LAMC2: variants seen among roughly 807,000 people sequenced by gnomAD.
LAMC2 encodes laminin subunit gamma 2.
LAMC2 carries 97 observed loss-of-function variants against 140.2 expected under a neutral mutation model. That is an observed-to-expected ratio of 0.69 (90% confidence interval 0.59 to 0.82). The LOEUF (loss-of-function observed/expected upper bound fraction) is 0.82, where lower values mean the gene tolerates loss of function less well. Ranked by LOEUF, LAMC2 falls within the 40% of genes least tolerant of loss-of-function variation. The pLI, the probability that LAMC2 is intolerant of heterozygous loss-of-function variation, is 0.00. For missense variants in LAMC2, 1,402 were observed against 1,476.1 expected (o/e 0.95, Z 0.82); for synonymous variants, 513 against 540.2 (o/e 0.95, Z 0.70).
chr1:183,223,292 G>C lies in LAMC2; in HGVS notation c.921G>C (p.Leu307=). The part of the protein sequence containing the change: ...TAPLMPLGKT[L]PCGLTKTYTF... ...CCTTGATGCCACTTGGCAAGACACT[G>C]CCTTGTGGGCTCACCAAGACTTACA... Residue 307 remains leucine (L), a synonymous_variant, in exon 7 of 23, where the codon CTG becomes CTC. Coordinates refer to ENST00000264144, the MANE Select transcript of LAMC2 (RefSeq NM_005562.3). 1.2e-6 allele frequency: 2 copies of C among 1,614,198 alleles called. No individual in the cohort carries two copies. The highest frequency in any genetic ancestry group is 1.7e-6 in the Non-Finnish European group (2 of 1,180,042).
chr1:183,237,696 T>C (rs1439451455), intron 18 of LAMC2, among the ~76,000 whole-genome samples, 192 bp downstream of exon 18: 5 of 152,052 alleles, frequency 3.3e-5, no homozygotes, highest in African/African-American at 1.2e-4. Flanking sequence ...GTAGGCAACG[T>C]AGTGAGGCCC....
downstream of LAMC2, among the ~76,000 whole-genome samples, chr1:183,247,291 G>A (rs1414682142): frequency 6.6e-6 from 1 of 152,052 alleles, no homozygotes. Flanking sequence ...CAGTGTGGGC[G>A]ACAAGAGCGA....
the LAMC2 span, chr1:183,252,777 C>A: frequency 6.6e-7 from 1 of 1,520,464 alleles, no homozygotes; most frequent in South Asian, 1.1e-5. Flanking sequence ...AGATGGACAT[C>A]CACACCCAAA....
At chr1:183,252,854 A>T in the LAMC2 span, 1 of 763,162 alleles carries the variant, frequency 1.3e-6, no homozygotes, top group African/African-American at 1.7e-5. Flanking sequence ...TCTCAGGTTG[A>T]GTAAATAGTT....
intron 20 of LAMC2, 48 bp from the exon 21 acceptor site, chr1:183,239,992 C>T: frequency 1.2e-6 from 2 of 1,607,642 alleles, no homozygotes; most frequent in Middle Eastern, 1.7e-4. Flanking sequence ...TGTTTTTGTG[C>T]CTCACCCCTA....
At chr1:183,209,759 G>GT (rs1490923008) in intron 2 of LAMC2, among the ~76,000 whole-genome samples, 1 of 152,164 alleles carries the variant, frequency 6.6e-6, no homozygotes, top group Admixed American at 6.5e-5. Context: ...TGAAGACAAG[G>GT]TTATTAGTCT....
chr1:183,195,061 T>C (rs1047533625), intron 1 of LAMC2, among the ~76,000 whole-genome samples: 2 of 152,184 alleles, frequency 1.3e-5, no homozygotes, highest in African/African-American at 2.4e-5. Flanking sequence ...ACCTGTGAGC[T>C]TACTCAGACT....
chr1:183,240,620 G>C (rs922448414), intron 22 of LAMC2: 1 of 1,418,384 alleles, frequency 7.1e-7, no homozygotes, highest in African/African-American at 1.4e-5. Context: ...GCACTTGGGG[G>C]TAAAGGTCTG....
intron 1 of LAMC2, among the ~76,000 whole-genome samples, chr1:183,192,803 C>T (rs1353696217): frequency 6.6e-6 from 1 of 152,226 alleles, no homozygotes; most frequent in Non-Finnish European, 1.5e-5. Context: ...CTCCCAGCTT[C>T]AAGCAATTCT....
At chr1:183,229,811 A>C (rs1659748196) in intron 11 of LAMC2, among the ~76,000 whole-genome samples, 1 of 152,042 alleles carries the variant, frequency 6.6e-6, no homozygotes, top group African/African-American at 2.4e-5. Context: ...TTAGTGGTAC[A>C]AATCCCTTCA....
At chr1:183,223,078 G>A (rs1558090926) in intron 6 of LAMC2, 57 bp from the exon 7 acceptor site, 2 of 1,528,852 alleles carry the variant, frequency 1.3e-6, no homozygotes, top group Admixed American at 3.4e-5. Flanking sequence ...AAACTTGCAT[G>A]TGTTTGCCTC....
chr1:183,235,652 T>C lies in LAMC2; in HGVS notation c.2378T>C (p.Val793Ala). The C allele has an allele frequency of 1.2e-6, 2 of 1,614,214 alleles. No homozygotes were observed. Among genetic ancestry groups the C allele is most frequent in the Non-Finnish European group, 1.7e-6 (2 of 1,180,040 alleles). ...TATTCCAAACAAGCCCTCTCACTGG[T>C]GCGCAAGGCCCTGCATGAAGGAGTC... ...EDYSKQALSL[V>A]RKALHEGVGS... is the part of the protein sequence containing the mutation. Residue 793 changes from valine to alanine, a missense_variant, in exon 16 of 23, where the codon GTG becomes GCG. Coordinates refer to ENST00000264144, the MANE Select transcript of LAMC2 (RefSeq NM_005562.3).
At chr1:183,236,279 C>T (rs1400815733) in intron 16 of LAMC2, among the ~76,000 whole-genome samples, 181 bp from the exon 17 acceptor site, 9 of 150,998 alleles carry the variant, frequency 6.0e-5, no homozygotes, top group Non-Finnish European at 1.2e-4. Flanking sequence ...GTCCCAGCTA[C>T]TTGGGAGGCT....
intron 1 of LAMC2, among the ~76,000 whole-genome samples, chr1:183,191,789 G>A (rs1658343619): frequency 6.6e-6 from 1 of 151,852 alleles, no homozygotes; most frequent in African/African-American, 2.4e-5. Flanking sequence ...AACCCGGGAG[G>A]CAGAGATTGC....
At chr1:183,197,064 T>C (rs1028916230) in intron 1 of LAMC2, among the ~76,000 whole-genome samples, 1 of 152,214 alleles carries the variant, frequency 6.6e-6, no homozygotes, top group Non-Finnish European at 1.5e-5. Flanking sequence ...GAAGCCATGA[T>C]ACAATTTGTA....
At chr1:183,240,986 G>C (rs867171580) in intron 22 of LAMC2, 1 of 156,744 alleles carries the variant, frequency 6.4e-6, no homozygotes. Flanking sequence ...GGTGGCTCAC[G>C]CCTGTAATTC....
At chr1:183,189,670 C>T (rs548854507) in intron 1 of LAMC2, among the ~76,000 whole-genome samples, 2 of 152,056 alleles carry the variant, frequency 1.3e-5, no homozygotes, top group Non-Finnish European at 2.9e-5. Flanking sequence ...GATAGAGGAA[C>T]GATGGAGCAG....
At position 183,240,168 on chromosome 1, in the gene LAMC2, G is replaced by A; in HGVS notation, c.3198G>A (p.Glu1066=). ...VEGELERKEL[E]FDTNMDAVQM... ...GAGAGCTGGAAAGGAAGGAGCTGGA[G>A]TTTGACACGAATATGGATGCAGTAC... is the stretch of plus-strand genomic sequence containing the variant. Residue 1066 remains glutamate, a synonymous_variant, in exon 21 of 23, where the codon GAG becomes GAA. Coordinates refer to ENST00000264144, the MANE Select transcript of LAMC2 (RefSeq NM_005562.3). 6.2e-7 allele frequency: 1 copy of A among 1,614,222 alleles called. No individual in the cohort carries two copies. Among genetic ancestry groups the A allele is most frequent in the Non-Finnish European group, 8.5e-7 (1 of 1,180,042 alleles).
rs1659966844 is a variant in LAMC2 at position 183,236,464 on chromosome 1, G to A, written c.2461G>A (p.Glu821Lys). Residue 821 changes from glutamate to lysine, a missense_variant, in exon 17 of 23, where the codon GAG becomes AAG. Glu to Lys is a moderately conservative substitution (Grantham distance 56). Around this residue, in one of 3 missense-constraint regions of LAMC2, gnomAD observed 670 missense variants for 667.2 expected, o/e 1.00. Transcript: ENST00000264144. Reference protein sequence around the residue: ...AVVQGLVEKLEKTKSLAQQLT... With the variant: ...AVVQGLVEKLKKTKSLAQQLT... Reference sequence around the variant, plus strand: ...CCTCCCCACCCCCAACACCAGATTGGAGAAAACCAAGTCCCTGGCCCAGCA... The same window carrying A: ...CCTCCCCACCCCCAACACCAGATTGAAGAAAACCAAGTCCCTGGCCCAGCA... 6.2e-7 allele frequency: 1 copy of A among 1,613,572 alleles called. No individual in the cohort carries two copies. The highest frequency in any genetic ancestry group is 8.5e-7 in the Non-Finnish European group (1 of 1,179,922).
Sources: gnomAD v4.1 joint callset for allele counts (sites outside exome capture counted in the v4.1 genomes callset) on GRCh38, gnomAD v4.1.1 for gene constraint, gnomAD v4.1.1 regional missense constraint, MANE v1.5 for transcripts, NCBI Gene and HGNC (gene_info 2026-07-23, HGNC 2026-07-21) for gene names.